Variants in PLAT observed in about 807,000 individuals in gnomAD.
PLAT encodes plasminogen activator, tissue type.
A neutral mutation model predicts 74.9 loss-of-function variants in PLAT; 48 were observed. The ratio of observed to expected loss-of-function variants is 0.64; its 90% CI spans 0.51 to 0.82. The LOEUF is 0.82. Among genes scored for constraint, PLAT ranks in the 40% least tolerant of loss-of-function variants. PLAT has a pLI of 0.00. For missense variants in PLAT, 673 were observed against 736.2 expected, an observed-to-expected ratio of 0.91 and a Z score of 0.99; for synonymous variants, 307 against 294.4, an observed-to-expected ratio of 1.04 and a Z score of -0.44.
At chr8:42,203,318 T>C (rs1308803485) in intron 1 of PLAT, among the ~76,000 whole-genome samples, 2 of 152,200 alleles carry the variant, frequency 1.3e-5, no homozygotes, top group South Asian at 2.1e-4. Context: ...TGGTCACCCA[T>C]GCACATCGGC....
Position 42,197,165 on chromosome 8 carries a change from C to T in PLAT, c.-26-3954G>A, listed in dbSNP as rs541730767. Among the ~76,000 whole-genome samples the T allele has an allele frequency of 2.6e-5, 4 of 152,306 alleles. No individual in the cohort carries two copies. The East Asian group carries it at 7.7e-4, about 29-fold the overall frequency. ...CTGTGCAAATTAGAAAAAACAGAGT[C>T]CGTGGGTTGGCTGATAGAGTGCAGC... On this transcript the variant is annotated intron_variant, in intron 1 of 13. Coordinates refer to ENST00000220809, the MANE Select transcript of PLAT (RefSeq NM_000930.5).
chr8:42,206,507 T>A (rs8178681), intron 1 of PLAT: 1 of 152,152 alleles, frequency 6.6e-6, no homozygotes, highest in African/African-American at 2.4e-5. Flanking sequence ...TTCCCGGGAC[T>A]GCAATGCACA....
At chr8:42,189,364 A>C (rs1805602632) in intron 3 of PLAT, among the ~76,000 whole-genome samples, 4 of 151,646 alleles carry the variant, frequency 2.6e-5, no homozygotes, top group African/African-American at 9.7e-5. Context: ...CTAAAAATAC[A>C]AAAATGAGCC....
rs183443805 is a variant in PLAT, at chr8:42,182,852, G to T, written c.670C>A (p.Arg224Ser). The change falls in exon 8 of 14, where the codon CGT (arginine) becomes AGT (serine). Residue 224 changes from arginine to serine, a missense_variant. Physicochemically the swap from Arg to Ser is moderately radical, Grantham distance 110. Transcript: ENST00000220809. ...GACTCGGTGAGGCTGTGCGTGCCAC[G>T]GTAGGCTGACCCATTCCCAAAGTAG... ...DCYFGNGSAY[R>S]GTHSLTESGA... The T allele has an allele frequency of 6.8e-6, 11 of 1,613,528 alleles. 1 individual carries two copies. In the Middle Eastern group the frequency reaches 6.6e-4, roughly 97 times the overall value.
intron 6 of PLAT, chr8:42,186,677 T>G (rs1805470359): frequency 6.6e-6 from 1 of 152,228 alleles, no homozygotes; most frequent in South Asian, 2.1e-4. Context: ...TCAGATACTT[T>G]GGGTTCACAC....
intron 13 of PLAT, among the ~76,000 whole-genome samples, chr8:42,178,163 A>C (rs1805045765): frequency 6.6e-6 from 1 of 151,982 alleles, no homozygotes; most frequent in Admixed American, 6.6e-5. Context: ...CTTCTTTCTC[A>C]CATCATCTAG....
rs745398723 is a variant in PLAT, at chr8:42,182,859, T to A, written c.663A>T (p.Ser221=). The stretch of plus-strand genomic sequence containing the variant: ...TGAGGCTGTGCGTGCCACGGTAGGC[T>A]GACCCATTCCCAAAGTAGCAGTCAC... ...GNSDCYFGNG[S]AYRGTHSLTE... The change falls in exon 8 of 14, where the codon TCA becomes TCT. Residue 221 remains serine (S), a synonymous_variant. Transcript: ENST00000220809. 3.7e-6 allele frequency: 6 copies of A among 1,610,338 alleles called. No homozygotes were observed. The East Asian group carries it at 1.3e-4, about 36-fold the overall frequency.
intron 5 of PLAT, 84 bp from the exon 6 acceptor site, chr8:42,187,656 T>TC: frequency 3.0e-6 from 4 of 1,327,302 alleles, no homozygotes; most frequent in Non-Finnish European, 3.1e-6. Flanking sequence ...TGCCCCGTCC[T>TC]CCCCCAGGCC....
chr8:42,177,629 A>ACTTT (rs1805022031), intron 13 of PLAT, among the ~76,000 whole-genome samples: 1 of 152,214 alleles, frequency 6.6e-6, no homozygotes, highest in Non-Finnish European at 1.5e-5. Flanking sequence ...GCACTGGAAG[A>ACTTT]CATCTAGTAA....
At position 42,176,058 on chromosome 8, in the gene PLAT, C is replaced by T. The variant is rs1804960093; in HGVS notation, c.1624G>A (p.Val542Ile). Reference sequence around the variant, plus strand: ...GTAACCTTGGTGTACACACCCGGGACATCCTTCTGTCCACAGCCCAGGCCC... The same window carrying T: ...GTAACCTTGGTGTACACACCCGGGATATCCTTCTGTCCACAGCCCAGGCCC... ...SWGLGCGQKD[V>I]PGVYTKVTNY... The change falls in exon 14 of 14, where the codon GTC becomes ATC. Residue 542 changes from valine (V) to isoleucine (I), a missense_variant. Physicochemically the swap from Val to Ile is conservative, Grantham distance 29. Transcript: ENST00000220809. 6.2e-7 allele frequency: 1 copy of T among 1,614,026 alleles called. No homozygotes were observed. Among genetic ancestry groups the T allele is most frequent in the Non-Finnish European group, 8.5e-7 (1 of 1,180,000 alleles).
At chr8:42,199,781 A>G (rs993157188) in intron 1 of PLAT, among the ~76,000 whole-genome samples, 1 of 152,228 alleles carries the variant, frequency 6.6e-6, no homozygotes, top group Non-Finnish European at 1.5e-5. Flanking sequence ...GTGAAAACTA[A>G]ATCAGTCAGT....
chr8:42,191,498 G>A, intron 2 of PLAT, 84 bp from the exon 3 acceptor site: 2 of 1,235,578 alleles, frequency 1.6e-6, no homozygotes, highest in Non-Finnish European at 1.2e-6. Context: ...AAGCCCATGT[G>A]AACCTGCCGG....
At chr8:42,186,155 T>C (rs1343210313) in intron 6 of PLAT, 1 of 10,104 alleles carries the variant, frequency 9.9e-5, no homozygotes, top group Non-Finnish European at 1.6e-4. Context: ...GCTGCAAAGT[T>C]TTTTTTTTTT....
At chr8:42,181,203 T>C (rs1013731875) in intron 9 of PLAT, among the ~76,000 whole-genome samples, 1 of 152,238 alleles carries the variant, frequency 6.6e-6, no homozygotes, top group African/African-American at 2.4e-5. Context: ...GGTCTGTGTC[T>C]CATCGTCCCA....
At chr8:42,197,526 T>C (rs558697095) in intron 1 of PLAT, among the ~76,000 whole-genome samples, 8 of 152,246 alleles carry the variant, frequency 5.3e-5, no homozygotes, top group African/African-American at 1.9e-4. Flanking sequence ...GGCTGAGAAA[T>C]TGATGATCAT....
In PLAT at chr8:42,187,946, G is replaced by A; in HGVS notation, c.324C>T (p.Cys108=). Residue 108 remains cysteine, a synonymous_variant, in exon 5 of 14, where the codon TGC becomes TGT. Coordinates refer to ENST00000220809, the MANE Select transcript of PLAT (RefSeq NM_000930.5). The part of the protein sequence containing the change: ...QQALYFSDFV[C]QCPEGFAGKC... ...TCCCAGCAAATCCTTCGGGGCACTG[G>A]CACACGAAATCTGAGAAGTACAGGG... 1 of 1,613,330 alleles carries A rather than the reference G, an allele frequency of 6.2e-7. No homozygotes were observed. The highest frequency in any genetic ancestry group is 8.5e-7 in the Non-Finnish European group (1 of 1,179,292).
Position 42,189,021 on chromosome 8 carries a change from A to G in PLAT, c.166T>C (p.Trp56Arg). 1.2e-6 allele frequency: 2 copies of G among 1,614,084 alleles called. No homozygotes were observed. The highest frequency in any genetic ancestry group is 1.7e-6 in the Non-Finnish European group (2 of 1,179,912). The change falls in exon 4 of 14, where the codon TGG (tryptophan) becomes CGG (arginine). Residue 56 changes from tryptophan to arginine, a missense_variant. Transcript: ENST00000220809. ...TQMIYQQHQS[W>R]LRPVLRSNRV... ...TTGCTTCTGAGCACAGGGCGCAGCCATGACTGATGTTGCTGGTATATCATC... is the reference window on the plus strand; with the variant it reads ...TTGCTTCTGAGCACAGGGCGCAGCCGTGACTGATGTTGCTGGTATATCATC...
intron 6 of PLAT, chr8:42,187,081 CTATT>C (rs550905071): frequency 2.8e-4 from 68 of 243,794 alleles, no homozygotes; most frequent in Middle Eastern, 1.2e-3. Context: ...TATCTATCAT[CTATT>C]TATCTATCAA....
At chr8:42,187,271 A>G (rs907853861) in intron 6 of PLAT, 127 bp downstream of exon 6, 1 of 679,316 alleles carries the variant, frequency 1.5e-6, no homozygotes, top group Admixed American at 3.0e-5. Context: ...TCTGTCTATC[A>G]TCTATCCATC....
Sources: allele counts gnomAD v4.1 joint callset (sites outside exome capture counted in the v4.1 genomes callset), GRCh38; gene constraint gnomAD v4.1.1; transcripts MANE v1.5; gene names NCBI Gene and HGNC (gene_info 2026-07-23, HGNC 2026-07-21).